The following SCAI variants were observed in gnomAD, a reference collection of about 807,000 sequenced individuals.
The protein encoded by SCAI is suppressor of cancer cell invasion, also known as protein SCAI.
In SCAI, 24 loss-of-function variants were observed where a neutral mutation model predicts 92.2. The ratio of observed to expected loss-of-function variants is 0.26; its 90% CI spans 0.19 to 0.37. SCAI has a LOEUF of 0.37. SCAI is among the 10% of genes least tolerant of loss of function. The probability of loss-of-function intolerance (pLI) is 1.00; values close to 1 mark genes in which losing one functional copy is unlikely to be tolerated. For missense variants in SCAI, 450 were observed against 736.2 expected (o/e 0.61, Z 4.50); for synonymous variants, 261 against 258.6 (o/e 1.01, Z -0.09).
chr9:124,966,638 C>CT (rs1264729091), intron 17 of SCAI, among the ~76,000 whole-genome samples: 1 of 151,872 alleles, frequency 6.6e-6, no homozygotes, highest in African/African-American at 2.4e-5. Context: ...TTCAATATTT[C>CT]TTTTTTTGTA....
chr9:125,109,322 C>T (rs1354582783), intron 2 of SCAI, among the ~76,000 whole-genome samples: 1 of 151,890 alleles, frequency 6.6e-6, no homozygotes, highest in Non-Finnish European at 1.5e-5. Context: ...CTGCCAAATC[C>T]CCCTCTGCGA....
Position 125,042,666 on chromosome 9 carries a change from CAT to C in SCAI, c.231-12929_231-12928del, listed in dbSNP as rs1327445281. 2.1e-3 allele frequency among the ~76,000 whole-genome samples: 300 copies of C among 140,322 alleles called. 1 individual carries two copies. Among genetic ancestry groups the C allele is most frequent in the South Asian group, 4.0e-3 (18 of 4,526 alleles). 92.1% of individuals were successfully genotyped at this position (140,322 alleles called of 152,430 possible). A position where few individuals can be genotyped will look rare whatever the true frequency, so the allele number is the denominator to read the frequency against. On this transcript the variant is annotated intron_variant, in intron 3 of 17. Transcript: ENST00000336505. ...ACACACACACACACACACACACACA[CAT>C]ATACAAAAAGAAACATACATACAGG...
At chr9:124,973,134 C>T (rs1050482862) in intron 15 of SCAI, among the ~76,000 whole-genome samples, 3 of 152,262 alleles carry the variant, frequency 2.0e-5, no homozygotes, top group South Asian at 2.1e-4. Context: ...ATACACATAA[C>T]CTAAAGGTAA....
rs764858681 is a variant in SCAI at position 125,073,092 on chromosome 9, A to ATTTT, written c.99-17089_99-17086dup. The stretch of plus-strand genomic sequence containing the variant: ...GGATCATATGAGGATTCTATTTTTA[A>ATTTT]TTTTTTTTTTTTTTTTTTTTTTTTT... On this transcript the variant is annotated intron_variant, in intron 2 of 17. Transcript: ENST00000336505. Among the ~76,000 whole-genome samples, 55 of 72,484 alleles carry ATTTT rather than the reference A, an allele frequency of 7.6e-4. 1 individual carries two copies. The highest frequency in any genetic ancestry group is 1.4e-3 in the African/African-American group (25 of 18,516). The allele number at this position is 72,484 out of a possible 152,430, so 47.6% of individuals were successfully genotyped here.
Position 125,032,195 on chromosome 9 carries a change from A to ATATATATATTTT in SCAI, c.231-2457_231-2456insAAAATATATATA, listed in dbSNP as rs1177865840. On this transcript the variant is annotated intron_variant, in intron 3 of 17. Transcript: ENST00000336505. Reference sequence around the variant, plus strand: ...AATATATATATATATATATATATATATTTTTTTTTTTTTTTGAGATGGAGT... The same window carrying ATATATATATTTT: ...AATATATATATATATATATATATATATATATATATTTTTTTTTTTTTTTTTTTGAGATGGAGT... 1.8e-4 allele frequency among the ~76,000 whole-genome samples: 18 copies of ATATATATATTTT among 99,442 alleles called. 1 individual carries two copies. Among genetic ancestry groups the ATATATATATTTT allele is most frequent in the East Asian group, 1.3e-3 (4 of 3,054 alleles). The allele number at this position is 99,442 out of a possible 152,430, so 65.2% of individuals were successfully genotyped here.
rs191693058 is a variant in SCAI at position 125,119,991 on chromosome 9, G to A, written c.98+22642C>T. Among the ~76,000 whole-genome samples, 164 of 152,286 alleles carry A rather than the reference G, an allele frequency of 1.1e-3. 2 individuals carry two copies. Among genetic ancestry groups the A allele is most frequent in the Non-Finnish European group, 1.2e-3 (80 of 68,032 alleles). ...TCCAGAGAGAAAGTTAGAAATCCAT[G>A]GCATTTTTATAACCTAGCCCTAAAC... On this transcript the variant is annotated intron_variant, in intron 2 of 17. Coordinates refer to ENST00000336505, the MANE Select transcript of SCAI (RefSeq NM_001144877.3).
intron 2 of SCAI, among the ~76,000 whole-genome samples, chr9:125,090,543 C>T (rs1390876725): frequency 2.6e-5 from 4 of 152,150 alleles, no homozygotes; most frequent in Admixed American, 2.0e-4. Context: ...TAACAACAGC[C>T]TAATGGGCTA....
At chr9:125,033,635 G>A (rs1833129432) in intron 3 of SCAI, among the ~76,000 whole-genome samples, 1 of 152,150 alleles carries the variant, frequency 6.6e-6, no homozygotes, top group South Asian at 2.1e-4. Context: ...TGGGGATAAT[G>A]AATGTTCTAA....
At chr9:125,008,600 C>A (rs1015378286) in intron 9 of SCAI, among the ~76,000 whole-genome samples, 7 of 152,128 alleles carry the variant, frequency 4.6e-5, no homozygotes, top group Non-Finnish European at 1.5e-5. Flanking sequence ...TTAAACACAT[C>A]AGAAGATATG....
At chr9:124,973,604 G>A (rs1036403463) in intron 15 of SCAI, among the ~76,000 whole-genome samples, 14 of 152,180 alleles carry the variant, frequency 9.2e-5, no homozygotes, top group Admixed American at 5.9e-4. Context: ...AGGCGGAGGC[G>A]GGCAGATCAC....
intron 17 of SCAI, chr9:124,968,258 T>C (rs1831577685): frequency 1.8e-6 from 2 of 1,112,142 alleles, no homozygotes; most frequent in East Asian, 2.4e-5. Flanking sequence ...GGTCTTGGCC[T>C]GACAGCTTTT....
chr9:125,105,609 G>A (rs1268746553), intron 2 of SCAI, among the ~76,000 whole-genome samples: 3 of 152,134 alleles, frequency 2.0e-5, no homozygotes, highest in Non-Finnish European at 4.4e-5. Context: ...AGTAGAAATG[G>A]GCAATATATT....
rs561451403 is a variant in SCAI, at chr9:124,951,926, T to G, written c.*881A>C. Reference sequence around the variant, plus strand: ...ACCCCTTACCAAAATTTAAAACATCTATGACTTTGAAGTCTCATAAATTTG... The same window carrying G: ...ACCCCTTACCAAAATTTAAAACATCGATGACTTTGAAGTCTCATAAATTTG... On this transcript the variant is annotated 3_prime_UTR_variant, in exon 18 of 18. Coordinates refer to ENST00000336505, the MANE Select transcript of SCAI (RefSeq NM_001144877.3). The G allele has an allele frequency of 9.8e-5, 15 of 152,346 alleles. No homozygotes were observed. Among genetic ancestry groups the G allele is most frequent in the African/African-American group, 3.6e-4 (15 of 41,572 alleles). The allele number at this position is 152,346 out of a possible 1,614,324, so 9.4% of individuals were successfully genotyped here. A position where few individuals can be genotyped will look rare whatever the true frequency, so the allele number is the denominator to read the frequency against.
chr9:125,027,345 A>G (rs1370770406), intron 5 of SCAI, among the ~76,000 whole-genome samples: 1 of 152,168 alleles, frequency 6.6e-6, no homozygotes, highest in East Asian at 1.9e-4. Context: ...TATGTTTTAC[A>G]AGGGACTTTT....
intron 2 of SCAI, among the ~76,000 whole-genome samples, chr9:125,094,303 C>G (rs933634324): frequency 6.6e-6 from 1 of 152,202 alleles, no homozygotes; most frequent in African/African-American, 2.4e-5. Context: ...TCTAGCCACA[C>G]TGCTCTCCTT....
intron 2 of SCAI, among the ~76,000 whole-genome samples, chr9:125,077,964 A>ACC (rs11458422): frequency 1.2e-3 from 171 of 147,938 alleles, no homozygotes; most frequent in South Asian, 1.7e-3. Context: ...AGTGATCCAC[A>ACC]CCCCCCCCGC....
intron 9 of SCAI, among the ~76,000 whole-genome samples, chr9:125,006,202 G>A (rs1832503775): frequency 6.6e-6 from 1 of 152,144 alleles, no homozygotes; most frequent in Non-Finnish European, 1.5e-5. Flanking sequence ...ACAGAAACAG[G>A]ATGATACAAA....
In SCAI at chr9:124,946,553, G is replaced by C. The variant is rs1415049307; in HGVS notation, c.*6254C>G. ...ATTTCTGCAGTGAATGTATTTAAGT[G>C]TATATTAAACATCTCCTACACTCTT... On this transcript the variant is annotated 3_prime_UTR_variant, in exon 18 of 18. Coordinates refer to ENST00000336505, the MANE Select transcript of SCAI (RefSeq NM_001144877.3). The surrounding 1 kb of genome is among the most constrained non-coding windows in gnomAD (Gnocchi z 4.0). 6.6e-6 allele frequency: 1 copy of C among 152,012 alleles called. No individual in the cohort carries two copies. The allele number at this position is 152,012 out of a possible 1,614,324, so 9.4% of individuals were successfully genotyped here. A position where few individuals can be genotyped will look rare whatever the true frequency, so the allele number is the denominator to read the frequency against.
intron 17 of SCAI, chr9:124,968,505 G>C: frequency 1.2e-6 from 1 of 865,562 alleles, no homozygotes; most frequent in East Asian, 2.4e-5. Context: ...CACGTAGGTT[G>C]CTAGATCTCT....
Sources: allele counts gnomAD v4.1 joint callset (sites outside exome capture counted in the v4.1 genomes callset), GRCh38; gene constraint gnomAD v4.1.1; non-coding constraint Gnocchi (gnomAD v3.1); transcripts MANE v1.5; gene names NCBI Gene and HGNC (gene_info 2026-07-23, HGNC 2026-07-21).